The following MBNL3 variants were observed in gnomAD, a reference collection of about 807,000 sequenced individuals.
MBNL3 encodes the protein muscleblind-like protein 3.
Under a neutral mutation model 24.5 loss-of-function variants are expected in MBNL3, and 6 were observed. That is an observed-to-expected ratio of 0.25 (90% CI 0.13 to 0.48). The LOEUF (loss-of-function observed/expected upper bound fraction) is 0.48, where lower values mean the gene tolerates loss of function less well. Among genes scored for constraint, MBNL3 ranks in the 20% least tolerant of loss-of-function variants. The pLI is 0.99. For synonymous variants in MBNL3, 100 were observed against 101.7 expected, an observed-to-expected ratio of 0.98 and a Z score of 0.10; for missense variants, 230 against 293.5, an observed-to-expected ratio of 0.78 and a Z score of 1.58.
intron 2 of MBNL3, among the ~76,000 whole-genome samples, chrX:132,410,479 GAGTT>G (rs1310845551): frequency 9.1e-6 from 1 of 109,468 alleles, no homozygotes; most frequent in Non-Finnish European, 1.9e-5. Context: ...AATACATACA[GAGTT>G]AGAGAGAAAA....
At chrX:132,465,317 C>T (rs768200331) in intron 1 of MBNL3, among the ~76,000 whole-genome samples, 2 of 111,601 alleles carry the variant, frequency 1.8e-5, no homozygotes, top group South Asian at 7.5e-4. Flanking sequence ...ATTTGTTGCT[C>T]ATTACACTAT....
chrX:132,464,459 TCTC>T (rs747339635), intron 1 of MBNL3, among the ~76,000 whole-genome samples: 31 of 111,994 alleles, frequency 2.8e-4, no homozygotes, highest in African/African-American at 8.8e-4. Flanking sequence ...AAGAATATCT[TCTC>T]CTCACAATTG....
rs933496617 is a variant in MBNL3 at position 132,390,992 on chromosome X, C to T, written c.626G>A (p.Ser209Asn). The T allele has an allele frequency of 1.7e-6, 2 of 1,211,071 alleles. No individual in the cohort carries two copies. Among genetic ancestry groups the T allele is most frequent in the Non-Finnish European group, 2.2e-6 (2 of 895,061 alleles). Residue 209 changes from serine to asparagine, a missense_variant, in exon 5 of 9, where the codon AGT becomes AAT. Ser to Asn is a conservative substitution (Grantham distance 46, BLOSUM62 1). Coordinates refer to ENST00000370853, the MANE Select transcript of MBNL3 (RefSeq NM_001386889.1). ...CATGCAGATTGTCACAGTATTATCA[C>T]TCGCTTCAATCATGGAAGCATCAGT... ...HPTDASMIEA[S>N]DNTVTICMDY...
At position 132,374,948 on chromosome X, in the gene MBNL3, G is replaced by A. The variant is rs996916435; in HGVS notation, c.*4718C>T. On this transcript the variant is annotated 3_prime_UTR_variant, in exon 9 of 9. Coordinates refer to ENST00000370853, the MANE Select transcript of MBNL3 (RefSeq NM_001386889.1). ...AATGTATTAAAAATGCAATGATTGC[G>A]TTTTGAAGTCTAAATACTGTGGAAT... The A allele has an allele frequency of 1.5e-4, 17 of 111,671 alleles. No individual in the cohort carries two copies. Among genetic ancestry groups the A allele is most frequent in the Non-Finnish European group, 2.1e-4 (11 of 52,920 alleles). 9.2% of individuals were successfully genotyped at this position (111,671 alleles called of 1,213,427 possible). A position where few individuals can be genotyped will look rare whatever the true frequency, so the allele number is the denominator to read the frequency against.
At chrX:132,421,309 C>A (rs751224070) in intron 2 of MBNL3, among the ~76,000 whole-genome samples, 5 of 111,232 alleles carry the variant, frequency 4.5e-5, no homozygotes, top group Non-Finnish European at 9.4e-5. Flanking sequence ...TACTTTAAAT[C>A]ATTCTACTTC....
At chrX:132,487,441 GGTT>G (rs1458892325) in intron 1 of MBNL3, among the ~76,000 whole-genome samples, 1 of 112,497 alleles carries the variant, frequency 8.9e-6, no homozygotes, top group Non-Finnish European at 1.9e-5. Flanking sequence ...TAAACAGTTT[GGTT>G]GTTTGTTTCT....
chrX:132,373,079 C>T lies in MBNL3; in HGVS notation c.*6587G>A, dbSNP rs755463284. 1.8e-5 allele frequency: 2 copies of T among 110,149 alleles called. No individual in the cohort carries two copies. Among genetic ancestry groups the T allele is most frequent in the South Asian group, 7.8e-4 (2 of 2,553 alleles). The allele number at this position is 110,149 out of a possible 1,213,427, so 9.1% of individuals were successfully genotyped here. A position where few individuals can be genotyped will look rare whatever the true frequency, so the allele number is the denominator to read the frequency against. On this transcript the variant is annotated 3_prime_UTR_variant, in exon 9 of 9. Coordinates refer to ENST00000370853, the MANE Select transcript of MBNL3 (RefSeq NM_001386889.1). ...CATCCATTTGTTTTACTTAATTCCC[C>T]AATTTGTCTTATTTATTGAAACACA...
chrX:132,409,803 G>C (rs1942463933), intron 2 of MBNL3, among the ~76,000 whole-genome samples: 1 of 111,726 alleles, frequency 9.0e-6, no homozygotes, highest in African/African-American at 3.3e-5. Flanking sequence ...AAACGTTGAA[G>C]CGATTAGAGT....
At chrX:132,402,244 T>C (rs1461476846) in intron 3 of MBNL3, among the ~76,000 whole-genome samples, 9 of 112,314 alleles carry the variant, frequency 8.0e-5, no homozygotes, top group Admixed American at 7.6e-4. Context: ...AATCACCACA[T>C]TCAAAGAGAG....
At chrX:132,447,345 A>G (rs1261119522) in intron 1 of MBNL3, among the ~76,000 whole-genome samples, 1 of 111,954 alleles carries the variant, frequency 8.9e-6, no homozygotes, top group Non-Finnish European at 1.9e-5. Flanking sequence ...TACTTTGGGC[A>G]GTATGGCCAT....
chrX:132,482,547 G>A (rs771433774), intron 1 of MBNL3, among the ~76,000 whole-genome samples: 1 of 110,749 alleles, frequency 9.0e-6, no homozygotes, highest in Non-Finnish European at 1.9e-5. Flanking sequence ...TGCTCATACT[G>A]GTCTCCTCCC....
intron 1 of MBNL3, among the ~76,000 whole-genome samples, chrX:132,463,132 G>C (rs756388839): frequency 5.9e-4 from 67 of 112,616 alleles, no homozygotes; most frequent in African/African-American, 2.1e-3. Flanking sequence ...ATTTAAAAAT[G>C]CATACCAATC....
At chrX:132,412,547 C>T (rs1302535910) in intron 2 of MBNL3, among the ~76,000 whole-genome samples, 2 of 112,410 alleles carry the variant, frequency 1.8e-5, no homozygotes, top group Non-Finnish European at 3.8e-5. Context: ...TCATGACCCA[C>T]GCTTAGCTTT....
intron 2 of MBNL3, among the ~76,000 whole-genome samples, chrX:132,427,966 T>G (rs1383928616): frequency 9.0e-6 from 1 of 111,357 alleles, no homozygotes; most frequent in Non-Finnish European, 1.9e-5. Context: ...GAAACTGCCT[T>G]CATTGTCCAC....
At chrX:132,396,868 T>TTCATATATA (rs1569426258) in intron 3 of MBNL3, among the ~76,000 whole-genome samples, 15 of 66,040 alleles carry the variant, frequency 2.3e-4, no homozygotes, top group Non-Finnish European at 3.7e-4. Context: ...ATATATATAT[T>TTCATATATA]CATATATACA....
intron 3 of MBNL3, among the ~76,000 whole-genome samples, chrX:132,397,186 G>T (rs1310454589): frequency 9.3e-6 from 1 of 107,762 alleles, no homozygotes; most frequent in Non-Finnish European, 1.9e-5. Context: ...ATCCTGTAAA[G>T]GTAAAAATTT....
chrX:132,383,572 A>AT (rs1203192761), intron 7 of MBNL3, among the ~76,000 whole-genome samples: 3 of 112,446 alleles, frequency 2.7e-5, no homozygotes. Context: ...ACACATTATG[A>AT]TTCAAAGGTA....
rs377594260 is a variant in MBNL3 at position 132,455,610 on chromosome X, C to T, written c.-703-15296G>A. Among the ~76,000 whole-genome samples the T allele has an allele frequency of 1.2e-3, 139 of 111,898 alleles. No homozygotes were observed. In the South Asian group the frequency reaches 0.047, roughly 38 times the overall value. ...TTTTAGTGTACACATGAAGAGCTCA[C>T]GCTGTAATTTCATCTTATCTGATAT... On this transcript the variant is annotated intron_variant, in intron 1 of 8. Coordinates refer to ENST00000370853, the MANE Select transcript of MBNL3 (RefSeq NM_001386889.1).
At chrX:132,396,523 T>TATATATTCCTATATATATTC (rs1938635199) in intron 3 of MBNL3, among the ~76,000 whole-genome samples, 2 of 51,903 alleles carry the variant, frequency 3.9e-5, no homozygotes, top group East Asian at 4.9e-4. Context: ...TATATATTCA[T>TATATATTCCTATATATATTC]ATATATATTC....
Sources: allele counts gnomAD v4.1 joint callset (sites outside exome capture counted in the v4.1 genomes callset), GRCh38; gene constraint gnomAD v4.1.1; transcripts MANE v1.5; gene names NCBI Gene and HGNC (gene_info 2026-07-23, HGNC 2026-07-21).